The following RASSF3 variants were observed in gnomAD, a reference collection of about 807,000 sequenced individuals.
RASSF3 encodes the protein ras association domain-containing protein 3.
RASSF3 carries 19 observed loss-of-function variants against 19.9 expected under a neutral mutation model. The ratio of observed to expected loss-of-function variants is 0.96; its 90% CI spans 0.67 to 1.40. The LOEUF (loss-of-function observed/expected upper bound fraction) is 1.40. RASSF3 is among the 40% of genes most tolerant of loss of function. The pLI is 0.00. For synonymous variants in RASSF3, 110 were observed against 104.2 expected, an observed-to-expected ratio of 1.06 and a Z score of -0.34; for missense variants, 306 against 289.8, an observed-to-expected ratio of 1.06 and a Z score of -0.41.
chr12:64,643,446 C>T (rs1263464879), intron 1 of RASSF3, among the ~76,000 whole-genome samples: 1 of 151,964 alleles, frequency 6.6e-6, no homozygotes, highest in Non-Finnish European at 1.5e-5. Flanking sequence ...GGCAGAACGA[C>T]CGCTTGAGCC....
intron 2 of RASSF3, among the ~76,000 whole-genome samples, chr12:64,559,559 G>A (rs1287139653): frequency 1.3e-5 from 2 of 152,068 alleles, no homozygotes; most frequent in East Asian, 1.9e-4. Context: ...GTGAGCCACC[G>A]CGCCTGGCCC....
chr12:64,565,927 G>T (rs575570830), intron 2 of RASSF3, among the ~76,000 whole-genome samples: 11 of 151,012 alleles, frequency 7.3e-5, no homozygotes, highest in African/African-American at 2.7e-4. Flanking sequence ...GCAGCCGGGC[G>T]TGGTGGCTCA....
rs1869742975 is a variant in RASSF3, at chr12:64,583,740, C to G, written c.294+42035C>G. On this transcript the variant is annotated intron_variant, in intron 2 of 5. Transcript: ENST00000637125. ...CATCCAACTCCTCCACCCTAACAAT[C>G]CTTACTGTATTCAACTAAAAGAAAC... Among the ~76,000 whole-genome samples the G allele has an allele frequency of 2.0e-5, 3 of 152,158 alleles. No individual in the cohort carries two copies. In the South Asian group the frequency reaches 6.2e-4, roughly 32 times the overall value.
intron 2 of RASSF3, among the ~76,000 whole-genome samples, chr12:64,595,138 G>A (rs1328486176): frequency 3.7e-5 from 5 of 136,034 alleles, no homozygotes; most frequent in African/African-American, 1.4e-4. Flanking sequence ...TGCAGTCTTG[G>A]CTCACAGCTA....
chr12:64,668,447 T>C (rs1872594823), intron 1 of RASSF3, among the ~76,000 whole-genome samples: 1 of 152,048 alleles, frequency 6.6e-6, no homozygotes. Context: ...AGTTTTTGTA[T>C]TTTTTGTAGA....
At chr12:64,694,223 GGGGAACAGA>G (rs910887322) in intron 4 of RASSF3, among the ~76,000 whole-genome samples, 2 of 152,154 alleles carry the variant, frequency 1.3e-5, no homozygotes, top group Admixed American at 1.3e-4. Context: ...TGTTCTGTTT[GGGGAACAGA>G]TGGGGGAGCA....
chr12:64,580,685 G>A lies in RASSF3; in HGVS notation c.294+38980G>A, dbSNP rs140131335. ...CCCAAATCAAGGTGTCAATAAGGCC[G>A]TGCAACTCTGGGTAGAATCCTTCCT... On this transcript the variant is annotated intron_variant, in intron 2 of 5. Transcript: ENST00000637125. 5.6e-4 allele frequency among the ~76,000 whole-genome samples: 85 copies of A among 151,808 alleles called. 1 individual carries two copies. In the East Asian group the frequency reaches 0.014, roughly 25 times the overall value.
At chr12:64,622,504 A>G (rs1350076385) in intron 1 of RASSF3, 1 of 531,034 alleles carries the variant, frequency 1.9e-6, no homozygotes, top group Non-Finnish European at 3.9e-6. Context: ...TGAGAAAGGA[A>G]TCGGCATTGG....
downstream of RASSF3, among the ~76,000 whole-genome samples, chr12:64,543,525 CT>C (rs564003855): frequency 1.6e-5 from 1 of 64,292 alleles, no homozygotes; most frequent in Non-Finnish European, 4.1e-5. Context: ...CCGCCCCCCG[CT>C]CTCCCCCGCC....
rs61933866 is a variant in RASSF3 at position 64,524,732 on chromosome 12, C to T, written c.170-16849C>T. 7.6e-3 allele frequency among the ~76,000 whole-genome samples: 1,159 copies of T among 152,250 alleles called. 3 individuals are homozygous for T. The highest frequency in any genetic ancestry group is 0.02 in the Middle Eastern group (6 of 294). Reference sequence around the variant, plus strand: ...GCCCACATGGCCAGTCTCATCACATCCTCTGCAGCAACTGCATTATTAGCA... The same window carrying T: ...GCCCACATGGCCAGTCTCATCACATTCTCTGCAGCAACTGCATTATTAGCA... On this transcript the variant is annotated intron_variant, in intron 1 of 5. Coordinates refer to the RASSF3 transcript ENST00000637125.
At chr12:64,635,664 G>A (rs1871306355) in intron 1 of RASSF3, among the ~76,000 whole-genome samples, 1 of 152,206 alleles carries the variant, frequency 6.6e-6, no homozygotes, top group Admixed American at 6.5e-5. Context: ...TTAGAAACTG[G>A]GTGGTCTGGT....
intron 1 of RASSF3, chr12:64,622,479 G>A: frequency 1.9e-6 from 1 of 531,146 alleles, no homozygotes; most frequent in Non-Finnish European, 3.9e-6. Flanking sequence ...ACTGTCTTTT[G>A]TTGAAAAATT....
chr12:64,552,928 G>A lies in RASSF3; in HGVS notation c.294+11223G>A, dbSNP rs1869190196. The stretch of plus-strand genomic sequence containing the variant: ...CCTTATTTTCAAAAATAGCAACTTG[G>A]GGCCGGGCTCGGTGGCTCACACCTA... On this transcript the variant is annotated intron_variant, in intron 2 of 5. Transcript: ENST00000637125. Among the ~76,000 whole-genome samples the A allele has an allele frequency of 3.3e-5, 5 of 151,942 alleles. No homozygotes were observed. In the South Asian group the frequency reaches 1.0e-3, roughly 32 times the overall value.
At chr12:64,611,877 A>G (rs1486211336) in intron 1 of RASSF3, among the ~76,000 whole-genome samples, 3 of 152,166 alleles carry the variant, frequency 2.0e-5, no homozygotes, top group Non-Finnish European at 2.9e-5. Context: ...CGGAAGTTCT[A>G]GTCTTTTCAG....
intron 2 of RASSF3, among the ~76,000 whole-genome samples, chr12:64,595,647 G>A (rs1348893054): frequency 6.6e-6 from 1 of 152,148 alleles, no homozygotes. Context: ...AGGATGCAGG[G>A]AAAAGTTTCT....
intron 2 of RASSF3, among the ~76,000 whole-genome samples, chr12:64,598,604 A>AC: frequency 6.6e-6 from 1 of 152,204 alleles, no homozygotes; most frequent in South Asian, 2.1e-4. Context: ...TAAGGCCTCC[A>AC]CAGAAATTCT....
At chr12:64,682,146 A>G (rs1359261780) in intron 1 of RASSF3, among the ~76,000 whole-genome samples, 1 of 152,208 alleles carries the variant, frequency 6.6e-6, no homozygotes, top group Non-Finnish European at 1.5e-5. Flanking sequence ...GATGCTCCCA[A>G]GGGACTTTGA....
rs113080144 is a variant in RASSF3, at chr12:64,516,426, C to T, written c.169+9097C>T. Among the ~76,000 whole-genome samples, 246 of 150,752 alleles carry T rather than the reference C, an allele frequency of 1.6e-3. 1 individual carries two copies. Among genetic ancestry groups the T allele is most frequent in the African/African-American group, 5.6e-3 (230 of 40,984 alleles). On this transcript the variant is annotated intron_variant, in intron 1 of 5. Transcript: ENST00000637125. ...CGAGGTCAGGAGATCGAGACCATCC[C>T]GACTAGAACGGTGAAACCCCGTCTC...
At chr12:64,525,582 C>T (rs1868567161) in intron 1 of RASSF3, among the ~76,000 whole-genome samples, 1 of 152,162 alleles carries the variant, frequency 6.6e-6, no homozygotes, top group Non-Finnish European at 1.5e-5. Flanking sequence ...ACTTCATTTT[C>T]AGCCTTTTTC....
Sources: gnomAD v4.1 joint callset for allele counts (sites outside exome capture counted in the v4.1 genomes callset) on GRCh38, gnomAD v4.1.1 for gene constraint, MANE v1.5 for transcripts, NCBI Gene and HGNC (gene_info 2026-07-23, HGNC 2026-07-21) for gene names.